The following NLGN1 variants were observed in gnomAD, a reference collection of about 807,000 sequenced individuals.
NLGN1 encodes the protein neuroligin-1.
NLGN1 carries 12 observed loss-of-function variants against 65.5 expected under a neutral mutation model. That is an observed-to-expected ratio of 0.18 (90% CI 0.12 to 0.30). The LOEUF is 0.30. NLGN1 is among the 10% of genes least tolerant of loss of function. The pLI is 1.00. For synonymous variants in NLGN1, 350 were observed against 359.5 expected (o/e 0.97, Z 0.30); for missense variants, 750 against 1,007.1 (o/e 0.74, Z 3.46).
At chr3:173,473,032 C>A (rs1725564704) in intron 2 of NLGN1, among the ~76,000 whole-genome samples, 1 of 152,090 alleles carries the variant, frequency 6.6e-6, no homozygotes. Flanking sequence ...GGAATCAAAT[C>A]TGGCAATTGT....
At chr3:174,157,813 G>T (rs1725733710) in intron 4 of NLGN1, among the ~76,000 whole-genome samples, 1 of 151,726 alleles carries the variant, frequency 6.6e-6, no homozygotes, top group Admixed American at 6.6e-5. Context: ...GGCAGAGAGA[G>T]ATAAAAGTTT....
chr3:174,192,797 C>A (rs1179277221), intron 4 of NLGN1, among the ~76,000 whole-genome samples: 1 of 152,052 alleles, frequency 6.6e-6, no homozygotes, highest in Non-Finnish European at 1.5e-5. Context: ...CTTTCCTTGC[C>A]TCATTTTTTC....
intron 3 of NLGN1, among the ~76,000 whole-genome samples, chr3:173,672,506 T>C (rs1159562040): frequency 6.6e-6 from 1 of 152,222 alleles, no homozygotes; most frequent in African/African-American, 2.4e-5. Flanking sequence ...TTAATGGCTT[T>C]GGACAAGTTA....
At chr3:174,046,639 T>C (rs1428913545) in intron 4 of NLGN1, among the ~76,000 whole-genome samples, 1 of 152,142 alleles carries the variant, frequency 6.6e-6, no homozygotes, top group Admixed American at 6.6e-5. Context: ...TGTGACTGTT[T>C]CCTAAGGATT....
At chr3:174,023,716 A>G (rs1268190004) in intron 4 of NLGN1, among the ~76,000 whole-genome samples, 1 of 152,150 alleles carries the variant, frequency 6.6e-6, no homozygotes, top group African/African-American at 2.4e-5. Context: ...GGGAAATCGC[A>G]GTAGCAGCAA....
chr3:173,600,022 C>G (rs929867440), intron 2 of NLGN1, among the ~76,000 whole-genome samples: 1 of 152,096 alleles, frequency 6.6e-6, no homozygotes, highest in African/African-American at 2.4e-5. Flanking sequence ...AATCCCAACT[C>G]TAGCACCTGT....
intron 4 of NLGN1, among the ~76,000 whole-genome samples, chr3:174,268,777 C>T (rs190899350): frequency 3.5e-4 from 53 of 152,100 alleles, no homozygotes; most frequent in African/African-American, 1.2e-3. Flanking sequence ...CACTGTACTC[C>T]CCCGTGTCCA....
intron 3 of NLGN1, among the ~76,000 whole-genome samples, chr3:173,638,709 G>A (rs1391491079): frequency 6.6e-6 from 1 of 152,064 alleles, no homozygotes; most frequent in African/African-American, 2.4e-5. Flanking sequence ...ATCTCTATGA[G>A]GGGAGTTCTC....
chr3:173,541,478 G>A (rs1335568291), intron 2 of NLGN1, among the ~76,000 whole-genome samples: 2 of 152,104 alleles, frequency 1.3e-5, no homozygotes, highest in Non-Finnish European at 2.9e-5. Flanking sequence ...ATAAAATGGG[G>A]ATTCAGTGCA....
chr3:173,901,838 C>T (rs531127657), intron 4 of NLGN1, among the ~76,000 whole-genome samples: 1 of 152,134 alleles, frequency 6.6e-6, no homozygotes, highest in Non-Finnish European at 1.5e-5. Flanking sequence ...ATTGAAAGGA[C>T]GTACTGCAGT....
intron 1 of NLGN1, among the ~76,000 whole-genome samples, chr3:173,402,417 AAT>A (rs1717865242): frequency 6.6e-6 from 1 of 152,182 alleles, no homozygotes; most frequent in South Asian, 2.1e-4. Flanking sequence ...CTTTGTATAG[AAT>A]ATAGAAATAT....
At position 174,111,167 on chromosome 3, in the gene NLGN1, C is replaced by T. The variant is rs893745241; in HGVS notation, c.647-164148C>T. 5.3e-5 allele frequency among the ~76,000 whole-genome samples: 8 copies of T among 152,046 alleles called. 2 individuals are homozygous for T. Among genetic ancestry groups the T allele is most frequent in the Admixed American group, 6.6e-5 (1 of 15,238 alleles). ...ATTTTACATTTTGCTAACTACTAAT[C>T]TGCCAGTCTAAGAGAGGAAGTACCA... On this transcript the variant is annotated intron_variant, in intron 4 of 6. Transcript: ENST00000457714.
chr3:173,724,483 G>T, intron 3 of NLGN1: 1 of 213,162 alleles, frequency 4.7e-6, no homozygotes, highest in Non-Finnish European at 1.1e-5. Context: ...ACCATGTTAC[G>T]CAGGCTGGTC....
At chr3:173,936,598 G>A (rs1298720636) in intron 4 of NLGN1, among the ~76,000 whole-genome samples, 1 of 151,928 alleles carries the variant, frequency 6.6e-6, no homozygotes, top group Non-Finnish European at 1.5e-5. Context: ...CAACTGAAAG[G>A]GTGCCACAAG....
intron 4 of NLGN1, among the ~76,000 whole-genome samples, chr3:174,220,719 T>G (rs547891101): frequency 6.6e-6 from 1 of 152,270 alleles, no homozygotes; most frequent in South Asian, 2.1e-4. Context: ...TATAGTTTTC[T>G]AGGGCATTAT....
intron 4 of NLGN1, among the ~76,000 whole-genome samples, chr3:173,983,087 T>A (rs1215060226): frequency 6.6e-6 from 1 of 152,168 alleles, no homozygotes; most frequent in Non-Finnish European, 1.5e-5. Flanking sequence ...AATACAAGTT[T>A]TCGAGTTCTT....
chr3:174,268,732 T>C (rs534503900), intron 4 of NLGN1, among the ~76,000 whole-genome samples: 1 of 152,188 alleles, frequency 6.6e-6, no homozygotes, highest in South Asian at 2.1e-4. Flanking sequence ...GTGTTTTCTT[T>C]CCAGGCATCT....
intron 2 of NLGN1, among the ~76,000 whole-genome samples, chr3:173,512,447 C>A (rs1440325179): frequency 6.6e-6 from 1 of 152,120 alleles, no homozygotes; most frequent in Non-Finnish European, 1.5e-5. Flanking sequence ...CTCCGATGTC[C>A]AGCCACTGTC....
At chr3:173,420,123 C>T (rs998009468) in intron 1 of NLGN1, among the ~76,000 whole-genome samples, 16 of 150,186 alleles carry the variant, frequency 1.1e-4, no homozygotes, top group African/African-American at 2.7e-4. Context: ...ATGTGCACAA[C>T]GTGCAGGTTT....
Sources: allele counts gnomAD v4.1 joint callset (sites outside exome capture counted in the v4.1 genomes callset), GRCh38; gene constraint gnomAD v4.1.1; transcripts MANE v1.5; gene names NCBI Gene and HGNC (gene_info 2026-07-23, HGNC 2026-07-21).